The following SLIT2 variants were observed in gnomAD, a reference collection of about 807,000 sequenced individuals.
SLIT2 encodes the protein slit homolog 2 protein.
A neutral mutation model predicts 185.7 loss-of-function variants in SLIT2; 41 were observed. The observed-to-expected ratio is 0.22, with a 90% CI of 0.17 to 0.29. The LOEUF (loss-of-function observed/expected upper bound fraction) is 0.29, where lower values mean the gene tolerates loss of function less well. SLIT2 is among the 10% of genes least tolerant of loss of function. The probability of loss-of-function intolerance (pLI) is 1.00; values close to 1 mark genes in which losing one functional copy is unlikely to be tolerated. For missense variants in SLIT2, 1,571 were observed against 1,909.0 expected, an observed-to-expected ratio of 0.82 and a Z score of 3.30; for synonymous variants, 693 against 680.2, an observed-to-expected ratio of 1.02 and a Z score of -0.29.
chr4:20,553,371 C>G (rs887094029), intron 25 of SLIT2, among the ~76,000 whole-genome samples: 1 of 152,180 alleles, frequency 6.6e-6, no homozygotes, highest in Non-Finnish European at 1.5e-5. Flanking sequence ...TAATGCTAAT[C>G]TCCTCTGCAG....
At chr4:20,603,311 G>A (rs1052382591) in intron 33 of SLIT2, among the ~76,000 whole-genome samples, 1 of 152,220 alleles carries the variant, frequency 6.6e-6, no homozygotes. Context: ...ATCTCCCACT[G>A]GGTCCCTCCC....
Position 20,266,805 on chromosome 4 carries a change from G to A in SLIT2, c.324-2005G>A, listed in dbSNP as rs1458008923. Reference sequence around the variant, plus strand: ...GCTTATCAAATGCTGTGGGGACACAGCCAAGAGAAGCACTAACTTTTTGTA... The same window carrying A: ...GCTTATCAAATGCTGTGGGGACACAACCAAGAGAAGCACTAACTTTTTGTA... On this transcript the variant is annotated intron_variant, in intron 3 of 36. Transcript: ENST00000504154. Among the ~76,000 whole-genome samples, 7 of 152,094 alleles carry A rather than the reference G, an allele frequency of 4.6e-5. No individual in the cohort carries two copies. The East Asian group carries it at 1.4e-3, about 30-fold the overall frequency.
At chr4:20,454,948 T>C (rs1207277082) in intron 4 of SLIT2, among the ~76,000 whole-genome samples, 1 of 151,594 alleles carries the variant, frequency 6.6e-6, no homozygotes, top group Non-Finnish European at 1.5e-5. Context: ...AGCAAAGACA[T>C]GCCAATTTAA....
chr4:20,471,140 G>A (rs756631781), intron 5 of SLIT2, among the ~76,000 whole-genome samples: 3 of 151,994 alleles, frequency 2.0e-5, no homozygotes, highest in Non-Finnish European at 4.4e-5. Context: ...TGAATGTATA[G>A]GTTTATTTTA....
At chr4:20,479,450 G>T (rs1486676893) in intron 5 of SLIT2, among the ~76,000 whole-genome samples, 1 of 152,056 alleles carries the variant, frequency 6.6e-6, no homozygotes, top group Admixed American at 6.6e-5. Flanking sequence ...TTTGTATTAC[G>T]ATCATAATCT....
At chr4:20,406,955 CA>C (rs1487506276) in intron 4 of SLIT2, among the ~76,000 whole-genome samples, 2 of 151,968 alleles carry the variant, frequency 1.3e-5, no homozygotes, top group Middle Eastern at 3.4e-3. Flanking sequence ...AATATTCGAA[CA>C]ATGGATTATC....
chr4:20,364,846 G>A (rs1262563710), intron 4 of SLIT2, among the ~76,000 whole-genome samples: 1 of 151,980 alleles, frequency 6.6e-6, no homozygotes, highest in East Asian at 1.9e-4. Context: ...AGTTCCTCTT[G>A]GTTTACATAC....
chr4:20,548,602 G>A (rs1266829988), intron 23 of SLIT2, 43 bp downstream of exon 23: 2 of 1,145,430 alleles, frequency 1.7e-6, no homozygotes, highest in South Asian at 1.2e-5. Flanking sequence ...TAATTCAATG[G>A]ACAAAAGGCA....
intron 18 of SLIT2, among the ~76,000 whole-genome samples, chr4:20,534,159 A>G (rs909145642): frequency 2.6e-5 from 4 of 152,060 alleles, no homozygotes; most frequent in Non-Finnish European, 4.4e-5. Context: ...TCTCTATACT[A>G]TACTTCTTCT....
chr4:20,606,468 C>G (rs936051525), intron 33 of SLIT2, among the ~76,000 whole-genome samples: 1 of 139,048 alleles, frequency 7.2e-6, no homozygotes, highest in Non-Finnish European at 1.5e-5. Flanking sequence ...GCTGACAGAG[C>G]GAGACTCTGT....
At chr4:20,531,898 A>G (rs1414756922) in intron 16 of SLIT2, 86 bp from the exon 17 acceptor site, 1 of 699,788 alleles carries the variant, frequency 1.4e-6, no homozygotes, top group African/African-American at 1.9e-5. Context: ...TCATTAAATA[A>G]TGTTAGAATT....
Position 20,423,297 on chromosome 4 carries a change from A to C in SLIT2, c.396-44455A>C, listed in dbSNP as rs373505532. Among the ~76,000 whole-genome samples the C allele has an allele frequency of 7.2e-5, 11 of 152,246 alleles. No individual in the cohort carries two copies. In the East Asian group the frequency reaches 1.5e-3, roughly 21 times the overall value. On this transcript the variant is annotated intron_variant, in intron 4 of 36. Transcript: ENST00000504154. ...AGAAAAGGAGACTTAGGACAATGGA[A>C]AGATTTAAATAGATACCCTTAGTGA...
chr4:20,425,062 G>C (rs1034805782), intron 4 of SLIT2, among the ~76,000 whole-genome samples: 2 of 151,934 alleles, frequency 1.3e-5, no homozygotes, highest in Non-Finnish European at 2.9e-5. Context: ...TGAACTTTTG[G>C]TATGTTTTAA....
chr4:20,462,271 A>C (rs2148731782), intron 4 of SLIT2, among the ~76,000 whole-genome samples: 1 of 152,308 alleles, frequency 6.6e-6, no homozygotes, highest in South Asian at 2.1e-4. Flanking sequence ...TGAATAAACC[A>C]GGTTTTCAAG....
In SLIT2 at chr4:20,366,800, A is replaced by G. The variant is rs183783679; in HGVS notation, c.395+97919A>G. ...TTTTAGGGTTTTTTTAGTTTAGTTT[A>G]TTTTTTTTAATTTTTGAAACAGGGT... On this transcript the variant is annotated intron_variant, in intron 4 of 36. Transcript: ENST00000504154. 9.3e-4 allele frequency among the ~76,000 whole-genome samples: 141 copies of G among 151,790 alleles called. 1 individual carries two copies. Among genetic ancestry groups the G allele is most frequent in the African/African-American group, 3.2e-3 (131 of 41,428 alleles).
chr4:20,585,879 A>T (rs539131032), intron 29 of SLIT2, among the ~76,000 whole-genome samples: 17 of 152,312 alleles, frequency 1.1e-4, no homozygotes, highest in African/African-American at 4.1e-4. Context: ...AATAAAAACC[A>T]AGTAAAAATG....
intron 4 of SLIT2, among the ~76,000 whole-genome samples, chr4:20,299,462 T>C (rs1258209081): frequency 6.6e-6 from 1 of 152,214 alleles, no homozygotes; most frequent in Non-Finnish European, 1.5e-5. Context: ...CTATTTGTGA[T>C]ATTATATACC....
chr4:20,604,410 C>T (rs994006029), intron 33 of SLIT2, among the ~76,000 whole-genome samples: 8 of 152,080 alleles, frequency 5.3e-5, no homozygotes, highest in Admixed American at 2.0e-4. Flanking sequence ...AGTGCAGTGG[C>T]GCGATCTCGG....
intron 21 of SLIT2, among the ~76,000 whole-genome samples, chr4:20,543,575 A>G (rs970823741): frequency 6.6e-6 from 1 of 152,244 alleles, no homozygotes; most frequent in African/African-American, 2.4e-5. Flanking sequence ...ATTTGTGCAG[A>G]TGCACACACA....
Sources: gnomAD v4.1 joint callset for allele counts (sites outside exome capture counted in the v4.1 genomes callset) on GRCh38, gnomAD v4.1.1 for gene constraint, MANE v1.5 for transcripts, NCBI Gene and HGNC (gene_info 2026-07-23, HGNC 2026-07-21) for gene names.